Variants in SLC45A4 observed in about 807,000 individuals in gnomAD.
The protein encoded by SLC45A4 is solute carrier family 45 member 4, also known as polyamine-transporter SLC45A4.
A neutral mutation model predicts 63.7 loss-of-function variants in SLC45A4; 32 were observed. The observed-to-expected ratio is 0.50, with a 90% CI of 0.38 to 0.67. The LOEUF (loss-of-function observed/expected upper bound fraction) is 0.67, where lower values mean the gene tolerates loss of function less well. SLC45A4 is among the 30% of genes least tolerant of loss of function. The pLI, the probability that SLC45A4 is intolerant of heterozygous loss-of-function variation, is 0.00. For synonymous variants in SLC45A4, 535 were observed against 510.0 expected (o/e 1.05, Z -0.66); for missense variants, 1,027 against 1,157.7 (o/e 0.89, Z 1.64).
At chr8:141,280,275 C>A (rs1024916345) in intron 1 of SLC45A4, among the ~76,000 whole-genome samples, 2 of 152,172 alleles carry the variant, frequency 1.3e-5, no homozygotes, top group Non-Finnish European at 2.9e-5. Flanking sequence ...GGCGGGACTG[C>A]GACTCTGTCT....
chr8:141,301,120 C>T (rs1830730867), intron 1 of SLC45A4, among the ~76,000 whole-genome samples: 1 of 152,196 alleles, frequency 6.6e-6, no homozygotes, highest in African/African-American at 2.4e-5. Context: ...CACCTCCAGC[C>T]TGCCTGCCCC....
chr8:141,254,677 C>T lies in SLC45A4; in HGVS notation c.-400-48G>A, dbSNP rs1285834262. ...GGCCAGAGAGTCAGGGGACGGCCAC[C>T]AGATGGCCCTGTGGACCGCCGCCCG... On this transcript the variant is annotated intron_variant, in intron 1 of 8. Coordinates refer to ENST00000517878, the MANE Select transcript of SLC45A4 (RefSeq NM_001286646.2). The surrounding 1 kb of genome is among the most constrained non-coding windows in gnomAD (Gnocchi z 4.5). 1.4e-6 allele frequency: 1 copy of T among 696,806 alleles called. No individual in the cohort carries two copies. Among genetic ancestry groups the T allele is most frequent in the South Asian group, 1.5e-5 (1 of 66,730 alleles). The allele number at this position is 696,806 out of a possible 1,614,324, so 43.2% of individuals were successfully genotyped here.
intron 2 of SLC45A4, among the ~76,000 whole-genome samples, chr8:141,222,928 G>A (rs537806553): frequency 7.2e-5 from 11 of 152,158 alleles, no homozygotes; most frequent in African/African-American, 7.2e-5. Context: ...ATCCCACAGG[G>A]GACTTGAGAT....
intron 1 of SLC45A4, among the ~76,000 whole-genome samples, chr8:141,263,606 A>G (rs942087561): frequency 4.6e-5 from 7 of 150,726 alleles, no homozygotes; most frequent in Non-Finnish European, 1.0e-4. Flanking sequence ...CTACTTAAAA[A>G]AAAAAATACA....
intron 1 of SLC45A4, among the ~76,000 whole-genome samples, chr8:141,282,843 G>A (rs1761456227): frequency 6.6e-6 from 1 of 152,244 alleles, no homozygotes; most frequent in South Asian, 2.1e-4. Context: ...GTGCCACAGT[G>A]ACTTCTCATC....
intron 1 of SLC45A4, among the ~76,000 whole-genome samples, chr8:141,255,831 T>G (rs1253804681): frequency 1.3e-5 from 2 of 152,188 alleles, no homozygotes; most frequent in Non-Finnish European, 2.9e-5. Flanking sequence ...GAGTTCGAAG[T>G]CTACCCAAAG....
chr8:141,292,453 G>A (rs150509544), intron 1 of SLC45A4, among the ~76,000 whole-genome samples: 33 of 152,376 alleles, frequency 2.2e-4, no homozygotes, highest in Admixed American at 5.2e-4. Flanking sequence ...AGCCCCGCAC[G>A]CGCCCAGGGC....
At chr8:141,269,270 G>A (rs991112160) in intron 1 of SLC45A4, among the ~76,000 whole-genome samples, 1 of 152,230 alleles carries the variant, frequency 6.6e-6, no homozygotes, top group Non-Finnish European at 1.5e-5. Context: ...TGTGCCTTAA[G>A]TCTTCTGATA....
intron 1 of SLC45A4, among the ~76,000 whole-genome samples, chr8:141,271,977 C>T (rs1296730089): frequency 1.3e-5 from 2 of 152,072 alleles, no homozygotes; most frequent in African/African-American, 4.8e-5. Context: ...CACCTGCGTA[C>T]ACACATGCAC....
chr8:141,256,739 C>T lies in SLC45A4; in HGVS notation c.-400-2110G>A, dbSNP rs1412932072. 5 of 409,910 alleles carry T rather than the reference C, an allele frequency of 1.2e-5. 1 individual carries two copies. The Admixed American group carries it at 1.3e-4, about 11-fold the overall frequency. 25.4% of individuals were successfully genotyped at this position (409,910 alleles called of 1,614,324 possible). Reference sequence around the variant, plus strand: ...ACGTCGCTACGATTCCACACGACAGCCCTCGAGAATTCTTTCAAGTTTTCC... The same window carrying T: ...ACGTCGCTACGATTCCACACGACAGTCCTCGAGAATTCTTTCAAGTTTTCC... On this transcript the variant is annotated intron_variant, in intron 1 of 8. Coordinates refer to ENST00000517878, the MANE Select transcript of SLC45A4 (RefSeq NM_001286646.2). This position sits in a 1 kb window ranked among gnomAD's most constrained non-coding sequence, Gnocchi z 4.3.
At chr8:141,284,884 CCT>C (rs1175826344) in intron 1 of SLC45A4, among the ~76,000 whole-genome samples, 1 of 152,090 alleles carries the variant, frequency 6.6e-6, no homozygotes, top group East Asian at 1.9e-4. Flanking sequence ...CTGCCCCGCC[CCT>C]GTCCCTGCCA....
intron 1 of SLC45A4, among the ~76,000 whole-genome samples, chr8:141,261,657 A>G (rs2154614799): frequency 6.6e-6 from 1 of 152,300 alleles, no homozygotes; most frequent in African/African-American, 2.4e-5. Context: ...CTAGGAATCC[A>G]ACTTACAAGG....
At chr8:141,241,997 G>C (rs576667905) in intron 2 of SLC45A4, among the ~76,000 whole-genome samples, 1 of 152,308 alleles carries the variant, frequency 6.6e-6, no homozygotes, top group South Asian at 2.1e-4. Flanking sequence ...GGGACAGCCC[G>C]AATCTCCAGG....
intron 1 of SLC45A4, among the ~76,000 whole-genome samples, chr8:141,286,732 C>A (rs369765493): frequency 1.5e-5 from 2 of 133,854 alleles, no homozygotes; most frequent in East Asian, 5.5e-4. Flanking sequence ...CAGCAGCAGC[C>A]CCCCCGCCCC....
At chr8:141,245,381 A>G (rs901302302) in intron 2 of SLC45A4, among the ~76,000 whole-genome samples, 5 of 152,186 alleles carry the variant, frequency 3.3e-5, no homozygotes, top group African/African-American at 1.2e-4. Context: ...ATGAAAGAGA[A>G]ACCAGAAACA....
rs1226483704 is a variant in SLC45A4 at position 141,217,937 on chromosome 8, C to G, written c.1629+74G>C. The stretch of plus-strand genomic sequence containing the variant: ...TGGGCACGAGGAAGAGGCCCCCCGG[C>G]CCAGCCCGTGAGCTTCTCCGTGAGC... On this transcript the variant is annotated intron_variant, in intron 5 of 8. Coordinates refer to ENST00000517878, the MANE Select transcript of SLC45A4 (RefSeq NM_001286646.2). 6 of 1,486,030 alleles carry G rather than the reference C, an allele frequency of 4.0e-6. No individual in the cohort carries two copies. The East Asian group carries it at 1.5e-4, about 37-fold the overall frequency. 92.1% of individuals were successfully genotyped at this position (1,486,030 alleles called of 1,614,324 possible). A position where few individuals can be genotyped will look rare whatever the true frequency, so the allele number is the denominator to read the frequency against.
intron 2 of SLC45A4, among the ~76,000 whole-genome samples, chr8:141,241,608 G>A (rs1380447740): frequency 6.6e-6 from 1 of 152,150 alleles, no homozygotes; most frequent in African/African-American, 2.4e-5. Context: ...TTTGAGTCAG[G>A]TCTGGGAACC....
At chr8:141,270,692 C>A (rs192135635) in intron 1 of SLC45A4, among the ~76,000 whole-genome samples, 27 of 152,234 alleles carry the variant, frequency 1.8e-4, no homozygotes, top group Admixed American at 1.6e-3. Context: ...GTGACCCTCG[C>A]AGACTCGCCC....
At chr8:141,292,405 C>T (rs370821555) in intron 1 of SLC45A4, among the ~76,000 whole-genome samples, 1 of 152,252 alleles carries the variant, frequency 6.6e-6, no homozygotes, top group Admixed American at 6.5e-5. Context: ...ACAGCTCCCA[C>T]CCAACAGGGA....
Sources: allele counts gnomAD v4.1 joint callset (sites outside exome capture counted in the v4.1 genomes callset), GRCh38; gene constraint gnomAD v4.1.1; non-coding constraint Gnocchi (gnomAD v3.1); transcripts MANE v1.5; gene names NCBI Gene and HGNC (gene_info 2026-07-23, HGNC 2026-07-21).